NAALADL2: variants seen among roughly 807,000 people sequenced by gnomAD.
NAALADL2 encodes the protein inactive N-acetylated-alpha-linked acidic dipeptidase-like protein 2.
NAALADL2 carries 76 observed loss-of-function variants against 87.2 expected under a neutral mutation model. The ratio of observed to expected loss-of-function variants is 0.87; its 90% CI spans 0.72 to 1.05. NAALADL2 has a LOEUF of 1.05. Among genes scored for constraint, NAALADL2 ranks in the 50% least tolerant of loss-of-function variants. The pLI is 0.00. For missense variants in NAALADL2, 1,089 were observed against 945.8 expected, an observed-to-expected ratio of 1.15 and a Z score of -1.99; for synonymous variants, 354 against 331.0, an observed-to-expected ratio of 1.07 and a Z score of -0.75.
At chr3:174,810,293 GA>G (rs887549482) in intron 3 of NAALADL2, among the ~76,000 whole-genome samples, 45 of 151,758 alleles carry the variant, frequency 3.0e-4, no homozygotes, top group Admixed American at 6.6e-4. Flanking sequence ...GAAGATACAG[GA>G]AAATTTGAAA....
intron 2 of NAALADL2, among the ~76,000 whole-genome samples, chr3:175,115,499 A>AAT (rs199716757): frequency 1.1e-5 from 1 of 92,594 alleles, no homozygotes; most frequent in African/African-American, 5.4e-5. Flanking sequence ...AATAGCAGAT[A>AAT]ACGTGTATCC....
At chr3:175,022,082 C>T (rs1751634318) in intron 1 of NAALADL2, among the ~76,000 whole-genome samples, 1 of 151,954 alleles carries the variant, frequency 6.6e-6, no homozygotes, top group South Asian at 2.1e-4. Context: ...GCCTCTCCTG[C>T]CACGTGACAC....
chr3:175,282,267 A>G (rs566333471), intron 4 of NAALADL2, among the ~76,000 whole-genome samples: 1 of 152,146 alleles, frequency 6.6e-6, no homozygotes, highest in South Asian at 2.1e-4. Context: ...TTATAGCATG[A>G]GTGGGGTTAC....
At chr3:175,287,954 T>A (rs1427744460) in intron 4 of NAALADL2, among the ~76,000 whole-genome samples, 3 of 152,184 alleles carry the variant, frequency 2.0e-5, no homozygotes, top group Non-Finnish European at 4.4e-5. Context: ...TACAGTTAAC[T>A]CTCTAATTAT....
At chr3:175,785,164 A>T (rs1751749054) in intron 13 of NAALADL2, among the ~76,000 whole-genome samples, 1 of 150,346 alleles carries the variant, frequency 6.7e-6, no homozygotes, top group Non-Finnish European at 1.5e-5. Flanking sequence ...GTGGTGCTGT[A>T]AAAAATGTAT....
At chr3:174,786,602 TTTTG>T (rs35581507) in intron 3 of NAALADL2, among the ~76,000 whole-genome samples, 39,958 of 151,860 alleles carry the variant, frequency 0.26, 5,709 homozygotes, top group Non-Finnish European at 0.32. Flanking sequence ...CTGAGATTTT[TTTTG>T]TTTATCTTTT....
chr3:175,449,355 G>A (rs1209283648), intron 6 of NAALADL2, among the ~76,000 whole-genome samples: 1 of 151,342 alleles, frequency 6.6e-6, no homozygotes, highest in Non-Finnish European at 1.5e-5. Flanking sequence ...TGGGATTATA[G>A]GCATGAGCCA....
intron 1 of NAALADL2, among the ~76,000 whole-genome samples, chr3:174,478,252 G>A (rs1349185594): frequency 6.6e-6 from 1 of 152,046 alleles, no homozygotes; most frequent in Non-Finnish European, 1.5e-5. Context: ...GGAATATATA[G>A]TTGTAAGATT....
chr3:174,494,619 A>AT (rs1418511142), intron 1 of NAALADL2, among the ~76,000 whole-genome samples: 1 of 83,716 alleles, frequency 1.2e-5, no homozygotes, highest in East Asian at 2.6e-4. Flanking sequence ...AACTTAAAGT[A>AT]TTAAAAAAAA....
chr3:175,093,994 A>C (rs1268871449), intron 1 of NAALADL2, among the ~76,000 whole-genome samples: 1 of 151,936 alleles, frequency 6.6e-6, no homozygotes, highest in Non-Finnish European at 1.5e-5. Flanking sequence ...TTGGCTTTTA[A>C]ATGATTTATA....
chr3:175,204,641 A>G (rs1284749816), intron 2 of NAALADL2, among the ~76,000 whole-genome samples: 1 of 151,962 alleles, frequency 6.6e-6, no homozygotes, highest in Non-Finnish European at 1.5e-5. Flanking sequence ...ATCAGTATAG[A>G]GGAAGTCAAA....
chr3:174,934,228 G>C (rs754595671), intron 1 of NAALADL2, among the ~76,000 whole-genome samples: 1 of 152,098 alleles, frequency 6.6e-6, no homozygotes, highest in African/African-American at 2.4e-5. Context: ...ACACTTTACT[G>C]TCCAACAGAA....
At chr3:174,524,703 A>G (rs1720570930) in intron 1 of NAALADL2, among the ~76,000 whole-genome samples, 1 of 128,730 alleles carries the variant, frequency 7.8e-6, no homozygotes, top group Non-Finnish European at 1.6e-5. Context: ...ACCTGCCACC[A>G]TGCCCAACAA....
At position 175,804,263 on chromosome 3, in the gene NAALADL2, A is replaced by G. The variant is rs1300019280; in HGVS notation, c.*1060A>G. 1 of 151,856 alleles carries G rather than the reference A, an allele frequency of 6.6e-6. No individual in the cohort carries two copies. The highest frequency in any genetic ancestry group is 6.6e-5 in the Admixed American group (1 of 15,218). 9.4% of individuals were successfully genotyped at this position (151,856 alleles called of 1,614,324 possible). A position where few individuals can be genotyped will look rare whatever the true frequency, so the allele number is the denominator to read the frequency against. On this transcript the variant is annotated 3_prime_UTR_variant, in exon 14 of 14. Coordinates refer to ENST00000454872, the MANE Select transcript of NAALADL2 (RefSeq NM_207015.3). ...AAAAGCCCCTTAATATTATGAAGAAACTTTTCATATTTTTTCTTCTTTATC... is the reference window on the plus strand; with the variant it reads ...AAAAGCCCCTTAATATTATGAAGAAGCTTTTCATATTTTTTCTTCTTTATC...
At chr3:174,735,833 T>C (rs1733140625) in intron 2 of NAALADL2, among the ~76,000 whole-genome samples, 1 of 152,200 alleles carries the variant, frequency 6.6e-6, no homozygotes, top group East Asian at 1.9e-4. Flanking sequence ...TTGCCAGAGT[T>C]TTGCTCAGGT....
chr3:175,332,291 C>G (rs1761493281), intron 5 of NAALADL2, among the ~76,000 whole-genome samples: 1 of 152,052 alleles, frequency 6.6e-6, no homozygotes, highest in African/African-American at 2.4e-5. Context: ...AAGAAGAAAC[C>G]TGGAGACATT....
intron 8 of NAALADL2, 91 bp downstream of exon 8, chr3:175,467,275 T>C (rs1023340642): frequency 3.1e-6 from 3 of 966,890 alleles, no homozygotes; most frequent in African/African-American, 1.6e-5. Flanking sequence ...AGGGCAATAA[T>C]GTGCTTCTCA....
At chr3:175,269,603 AC>A (rs1418957619) in intron 4 of NAALADL2, among the ~76,000 whole-genome samples, 5 of 152,110 alleles carry the variant, frequency 3.3e-5, no homozygotes, top group Non-Finnish European at 7.3e-5. Flanking sequence ...TCAGATACAC[AC>A]TCTCAGGTAA....
At chr3:175,300,898 A>G (rs1757004512) in intron 4 of NAALADL2, among the ~76,000 whole-genome samples, 1 of 151,842 alleles carries the variant, frequency 6.6e-6, no homozygotes, top group African/African-American at 2.4e-5. Context: ...ATGTGCCACC[A>G]TGCCCAGCTA....
Sources: allele counts gnomAD v4.1 joint callset (sites outside exome capture counted in the v4.1 genomes callset), GRCh38; gene constraint gnomAD v4.1.1; transcripts MANE v1.5; gene names NCBI Gene and HGNC (gene_info 2026-07-23, HGNC 2026-07-21).